Variants in NCOR2 observed in about 807,000 individuals in gnomAD.
NCOR2 encodes CTG repeat protein 26.
In NCOR2, 81 loss-of-function variants were observed where a neutral mutation model predicts 262.9. The ratio of observed to expected loss-of-function variants is 0.31; its 90% confidence interval spans 0.26 to 0.37. The LOEUF is 0.37. NCOR2 is among the 10% of genes least tolerant of loss of function. The probability of loss-of-function intolerance (pLI) is 1.00; values close to 1 mark genes in which losing one functional copy is unlikely to be tolerated. For missense variants in NCOR2, 3,385 were observed against 3,621.4 expected (o/e 0.93, Z 1.68); for synonymous variants, 1,659 against 1,559.3 (o/e 1.06, Z -1.51).
Position 124,327,406 on chromosome 12 carries a change from G to C in NCOR2, c.7183+3C>G. ...GGGGGCGGGGCGGGGGTGGCCTGCA[G>C]ACCTGGCGAGGTGAGTGTGTGGTCA... On this transcript the variant is annotated splice_donor_region_variant and intron_variant, in intron 45 of 46. Transcript: ENST00000405201. 1.2e-6 allele frequency: 2 copies of C among 1,606,430 alleles called. No individual in the cohort carries two copies. The highest frequency in any genetic ancestry group is 1.7e-6 in the Non-Finnish European group (2 of 1,176,960).
intron 8 of NCOR2, among the ~76,000 whole-genome samples, chr12:124,435,245 A>G (rs2660376): frequency 0.87 from 132,637 of 152,300 alleles, 57,934 homozygotes; most frequent in East Asian, 0.96. Context: ...TCTTCTCCCC[A>G]GATTACCGGT....
exon 20 of NCOR2, chr12:124,372,092 G>T: frequency 6.2e-7 from 1 of 1,602,566 alleles, no homozygotes; most frequent in Non-Finnish European, 8.5e-7. Context: ...TCGCTGTCCT[G>T]GGGGGCGCCC....
At chr12:124,330,362 A>G (rs553200460) in intron 44 of NCOR2, among the ~76,000 whole-genome samples, 30 of 152,386 alleles carry the variant, frequency 2.0e-4, no homozygotes, top group African/African-American at 7.2e-4. Flanking sequence ...GTGCGTGTCA[A>G]TTTTACACCT....
chr12:124,444,618 A>G (rs553562392), intron 7 of NCOR2, among the ~76,000 whole-genome samples: 2 of 152,262 alleles, frequency 1.3e-5, no homozygotes, highest in African/African-American at 4.8e-5. Context: ...GGAGGGAGGC[A>G]GCAATAGTGA....
At chr12:124,417,261 G>GAGCAGGCCGGACACTCACTCCACGGAC (rs2042957328) in intron 13 of NCOR2, among the ~76,000 whole-genome samples, 2 of 49,670 alleles carry the variant, frequency 4.0e-5, no homozygotes. Context: ...ACTCCACGGA[G>GAGCAGGCCGGACACTCACTCCACGGAC]AGCAGGCCGG....
At chr12:124,518,907 C>T (rs908472963) in intron 1 of NCOR2, among the ~76,000 whole-genome samples, 3 of 152,196 alleles carry the variant, frequency 2.0e-5, no homozygotes, top group Non-Finnish European at 4.4e-5. Context: ...ACCCAGGCCT[C>T]GGCCCATCCC....
chr12:124,552,727 C>T (rs911308442), intron 1 of NCOR2, among the ~76,000 whole-genome samples: 6 of 152,220 alleles, frequency 3.9e-5, no homozygotes, highest in Middle Eastern at 3.4e-3. Flanking sequence ...CTCACTTGGT[C>T]ACCCGGGCTG....
At chr12:124,511,329 T>G (rs2049381735) in intron 1 of NCOR2, among the ~76,000 whole-genome samples, 1 of 152,198 alleles carries the variant, frequency 6.6e-6, no homozygotes. Context: ...GAAGCCCCAG[T>G]GCCAGCCCCC....
intron 40 of NCOR2, 170 bp from the exon 43 acceptor site, chr12:124,334,787 G>A (rs2035729582): frequency 1.7e-6 from 1 of 592,244 alleles, no homozygotes; most frequent in African/African-American, 1.9e-5. Context: ...CAGTGTGCAT[G>A]GGAGTGGGGC....
At chr12:124,530,461 A>G (rs952156361) in intron 1 of NCOR2, among the ~76,000 whole-genome samples, 2 of 152,192 alleles carry the variant, frequency 1.3e-5, no homozygotes, top group African/African-American at 2.4e-5. Flanking sequence ...TTACATCTCA[A>G]TGAAGATGAT....
intron 1 of NCOR2, among the ~76,000 whole-genome samples, chr12:124,521,500 AG>A: frequency 6.6e-6 from 1 of 152,344 alleles, no homozygotes; most frequent in African/African-American, 2.4e-5. Flanking sequence ...GCGGAGTGAA[AG>A]AAGCCAAAAC....
intron 15 of NCOR2, among the ~76,000 whole-genome samples, chr12:124,400,030 T>C (rs1342394727): frequency 1.3e-5 from 2 of 152,052 alleles, no homozygotes; most frequent in African/African-American, 4.8e-5. Flanking sequence ...GAGTGGTGGT[T>C]ACTCGGCTCC....
chr12:124,325,606 C>A (rs2034554709), intron 46 of NCOR2, 23 bp from the exon 49 acceptor site: 1 of 1,264,120 alleles, frequency 7.9e-7, no homozygotes, highest in Middle Eastern at 2.4e-4. Flanking sequence ...GCGAAAGATG[C>A]CCAGGAGGCC....
chr12:124,348,131 C>T, intron 29 of NCOR2, 43 bp downstream of exon 31: 3 of 1,604,158 alleles, frequency 1.9e-6, no homozygotes, highest in Non-Finnish European at 2.5e-6. Context: ...CCCCACCGCC[C>T]ACCAGGGGGC....
chr12:124,327,728 A>AAGGAGG (rs150410001), intron 44 of NCOR2, 95 bp from the exon 47 acceptor site: 10 of 819,954 alleles, frequency 1.2e-5, no homozygotes, highest in Non-Finnish European at 1.9e-5. Context: ...AGAGAGAGGG[A>AAGGAGG]AGGAGGAGGA....
upstream of NCOR2, chr12:124,539,196 G>A (rs60528464): frequency 0.014 from 2,105 of 152,556 alleles, 129 homozygotes; most frequent in East Asian, 0.17. This position sits in a 1 kb window ranked among gnomAD's most constrained non-coding sequence, Gnocchi z 5.1. Context: ...CGCAGCAGCA[G>A]GTCTCACTCG....
chr12:124,402,522 G>A lies in NCOR2; in HGVS notation c.1522C>T (p.Gln508Ter). ...CTGCTGCGGGGCATGGGCTGCTGCT[G>A]CTGCTGCTGCTGCTGCTGCTGCTGC... The change falls in exon 14 of 47, where the codon CAG (glutamine) becomes TAG (stop). Residue 508 changes from glutamine (Q) to a stop codon, truncating the protein, a stop_gained. Transcript: ENST00000405201. LOFTEE classifies it high-confidence loss of function. 6.4e-7 allele frequency: 1 copy of A among 1,551,692 alleles called. No individual in the cohort carries two copies. Among genetic ancestry groups the A allele is most frequent in the Non-Finnish European group, 8.7e-7 (1 of 1,148,666 alleles).
chr12:124,362,533 G>C (rs111416661), intron 21 of NCOR2, among the ~76,000 whole-genome samples: 9 of 125,926 alleles, frequency 7.1e-5, no homozygotes, highest in Non-Finnish European at 5.1e-5. Flanking sequence ...CACCTCCCCA[G>C]AAAGCCTGCC....
intron 1 of NCOR2, among the ~76,000 whole-genome samples, chr12:124,509,648 C>A (rs1324997018): frequency 6.6e-6 from 1 of 152,128 alleles, no homozygotes; most frequent in African/African-American, 2.4e-5. Flanking sequence ...GAATGGGAGA[C>A]CCAGGCCAGA....
Sources: gnomAD v4.1 joint callset for allele counts (sites outside exome capture counted in the v4.1 genomes callset) on GRCh38, gnomAD v4.1.1 for gene constraint, Gnocchi (gnomAD v3.1) non-coding constraint, MANE v1.5 for transcripts, NCBI Gene and HGNC (gene_info 2026-07-23, HGNC 2026-07-21) for gene names.